COL14A1: variants seen among roughly 807,000 people sequenced by gnomAD.
The protein encoded by COL14A1 is collagen alpha-1(XIV) chain.
COL14A1 carries 136 observed loss-of-function variants against 230.3 expected under a neutral mutation model. That is an observed-to-expected ratio of 0.59 (90% CI 0.51 to 0.68). The LOEUF is 0.68. Ranked by LOEUF, COL14A1 falls within the 30% of genes least tolerant of loss-of-function variation. The probability of loss-of-function intolerance (pLI) is 0.00; values close to 1 mark genes in which losing one functional copy is unlikely to be tolerated. For synonymous variants in COL14A1, 792 were observed against 784.1 expected (o/e 1.01, Z -0.17); for missense variants, 1,976 against 2,215.8 (o/e 0.89, Z 2.17).
chr8:120,262,998 C>A lies in COL14A1; in HGVS notation c.3000C>A (p.Ser1000Arg). 1 of 1,604,618 alleles carries A rather than the reference C, an allele frequency of 6.2e-7. No homozygotes were observed. The highest frequency in any genetic ancestry group is 8.5e-7 in the Non-Finnish European group (1 of 1,177,090). Residue 1000 changes from serine (S) to arginine (R), a missense_variant, in exon 24 of 48, where the codon AGC becomes AGA. Physicochemically the swap from Ser to Arg is moderately radical, Grantham distance 110 (BLOSUM62 -1). Around this residue, in one of 3 missense-constraint regions of COL14A1, gnomAD observed 1,791 missense variants for 2,019.5 expected, o/e 0.89. Coordinates refer to ENST00000297848, the MANE Select transcript of COL14A1 (RefSeq NM_021110.4). ...KLQEIEGPSV[S>R]IMEKTQSLPT... ...AGGAGATTGAAGGACCTAGTGTGAGCATAATGGAAAAAACACGTAAGTCAT... is the reference window on the plus strand; with the variant it reads ...AGGAGATTGAAGGACCTAGTGTGAGAATAATGGAAAAAACACGTAAGTCAT...
At chr8:120,245,114 T>C (rs1326258194) in intron 20 of COL14A1, among the ~76,000 whole-genome samples, 2 of 152,248 alleles carry the variant, frequency 1.3e-5, no homozygotes, top group Non-Finnish European at 2.9e-5. Context: ...TAAGAGTTTT[T>C]CTGGTCATCC....
intron 24 of COL14A1, among the ~76,000 whole-genome samples, chr8:120,263,488 T>C (rs1191297034): frequency 2.0e-5 from 3 of 152,202 alleles, no homozygotes; most frequent in South Asian, 4.1e-4. Flanking sequence ...TGACTGCAGA[T>C]GTGATGCACT....
At chr8:120,269,575 C>T (rs911328382) in intron 25 of COL14A1, among the ~76,000 whole-genome samples, 1 of 151,772 alleles carries the variant, frequency 6.6e-6, no homozygotes, top group South Asian at 2.1e-4. Context: ...CATTTTATCA[C>T]ATGCTTTTCT....
At chr8:120,171,357 T>C (rs1032946671) in intron 5 of COL14A1, among the ~76,000 whole-genome samples, 4 of 152,190 alleles carry the variant, frequency 2.6e-5, no homozygotes, top group African/African-American at 9.6e-5. Context: ...GCCCACGAAG[T>C]TATTTTGCTC....
intron 2 of COL14A1, among the ~76,000 whole-genome samples, chr8:120,156,244 C>T (rs981302676): frequency 6.6e-6 from 1 of 151,772 alleles, no homozygotes; most frequent in Non-Finnish European, 1.5e-5. Context: ...ATCTCAGCTC[C>T]CTGCAGTCTC....
chr8:120,212,358 C>G, intron 12 of COL14A1, 90 bp from the exon 13 acceptor site: 1 of 1,333,096 alleles, frequency 7.5e-7, no homozygotes, highest in South Asian at 1.4e-5. Context: ...AAAGTCTTAT[C>G]CCATGAAGTC....
intron 36 of COL14A1, among the ~76,000 whole-genome samples, chr8:120,307,313 A>C (rs1820884981): frequency 6.6e-6 from 1 of 152,240 alleles, no homozygotes; most frequent in Non-Finnish European, 1.5e-5. Flanking sequence ...GCATATATGG[A>C]AATCTGATAT....
Position 120,371,431 on chromosome 8 carries a change from G to T in COL14A1, c.*200G>T. 2.5e-6 allele frequency: 1 copy of T among 393,758 alleles called. No individual in the cohort carries two copies. The highest frequency in any genetic ancestry group is 4.5e-6 in the Non-Finnish European group (1 of 224,448). The allele number at this position is 393,758 out of a possible 1,614,324, so 24.4% of individuals were successfully genotyped here. On this transcript the variant is annotated 3_prime_UTR_variant, in exon 48 of 48. Coordinates refer to ENST00000297848, the MANE Select transcript of COL14A1 (RefSeq NM_021110.4). Reference sequence around the variant, plus strand: ...TTTTTAAAAAGTTCCCTTAATCTATGACATGGTAGCAATGATTTCCCTTTG... The same window carrying T: ...TTTTTAAAAAGTTCCCTTAATCTATTACATGGTAGCAATGATTTCCCTTTG...
rs755954607 is a variant in COL14A1, at chr8:120,208,296, A to G, written c.1256A>G (p.Gln419Arg). Reference protein sequence around the residue: ...LKNLMSLTEYQIAVFAIYAHT... With the variant: ...LKNLMSLTEYRIAVFAIYAHT... The stretch of plus-strand genomic sequence containing the variant: ...AACTTGATGTCTTTAACTGAATATC[A>G]GATAGCAGTCTTTGCAATCTATGCC... Residue 419 changes from glutamine (Q) to arginine (R), a missense_variant, in exon 11 of 48, where the codon CAG (glutamine) becomes CGG (arginine). Gln to Arg is a conservative substitution (Grantham distance 43). Around this residue, in one of 3 missense-constraint regions of COL14A1, gnomAD observed 1,791 missense variants for 2,019.5 expected, o/e 0.89. Coordinates refer to ENST00000297848, the MANE Select transcript of COL14A1 (RefSeq NM_021110.4). 1 of 1,613,636 alleles carries G rather than the reference A, an allele frequency of 6.2e-7. No individual in the cohort carries two copies. The highest frequency in any genetic ancestry group is 1.3e-5 in the African/African-American group (1 of 74,922).
chr8:120,161,537 A>G (rs1815666504), intron 3 of COL14A1, among the ~76,000 whole-genome samples: 1 of 152,214 alleles, frequency 6.6e-6, no homozygotes, highest in African/African-American at 2.4e-5. Flanking sequence ...CAGCATCCTC[A>G]GCCATTTGTG....
In COL14A1 at chr8:120,278,180, A is replaced by G. The variant is rs982104772; in HGVS notation, c.3283A>G (p.Thr1095Ala). 2 of 1,611,870 alleles carry G rather than the reference A, an allele frequency of 1.2e-6. No homozygotes were observed. The highest frequency in any genetic ancestry group is 1.7e-6 in the Non-Finnish European group (2 of 1,179,000). ...FKLNAYKTKE[T>A]LLDAIKHISY... ...ACTAAATGCTTACAAAACCAAAGAG[A>G]CTCTTCTTGATGCAATTAAACACAT... is the stretch of plus-strand genomic sequence containing the variant. The change falls in exon 27 of 48, where the codon ACT (threonine) becomes GCT (alanine). Residue 1095 changes from threonine to alanine, a missense_variant. Transcript: ENST00000297848.
In COL14A1 at chr8:120,225,365, T is replaced by C. The variant is rs568494411; in HGVS notation, c.1864+151T>C. 6 of 664,676 alleles carry C rather than the reference T, an allele frequency of 9.0e-6. No homozygotes were observed. In the South Asian group the frequency reaches 1.4e-4, roughly 16 times the overall value. 41.2% of individuals were successfully genotyped at this position (664,676 alleles called of 1,614,324 possible). A position where few individuals can be genotyped will look rare whatever the true frequency, so the allele number is the denominator to read the frequency against. On this transcript the variant is annotated intron_variant, in intron 15 of 47. Transcript: ENST00000297848. ...TGTTATTAAAAAATAAACAATTGGA[T>C]GACTATTATGTGTAGTGGCTAATTA...
chr8:120,285,748 C>T, intron 32 of COL14A1, 113 bp from the exon 33 acceptor site: 1 of 709,260 alleles, frequency 1.4e-6, no homozygotes, highest in South Asian at 2.0e-5. Context: ...TCACATCATT[C>T]TAAATACAGT....
rs369319185 is a variant in COL14A1 at position 120,215,388 on chromosome 8, AAAGGAAGG to A, written c.1598-946_1598-939del. 4.4e-4 allele frequency among the ~76,000 whole-genome samples: 67 copies of A among 151,726 alleles called. No homozygotes were observed. The South Asian group carries it at 0.013, about 29-fold the overall frequency. ...TCTGTCAGAAAGAAAGAAAGAAAAG[AAAGGAAGG>A]AAGGAAGGAAGGAAGGTAGGAAGGA... is the stretch of plus-strand genomic sequence containing the variant. On this transcript the variant is annotated intron_variant, in intron 13 of 47. Coordinates refer to ENST00000297848, the MANE Select transcript of COL14A1 (RefSeq NM_021110.4).
intron 45 of COL14A1, among the ~76,000 whole-genome samples, chr8:120,361,298 C>T (rs866569375): frequency 5.3e-5 from 8 of 152,026 alleles, no homozygotes; most frequent in Non-Finnish European, 1.2e-4. Context: ...ATGAAAAAGA[C>T]AATAGGAAGA....
At chr8:120,223,586 C>A (rs1356819883) in intron 14 of COL14A1, among the ~76,000 whole-genome samples, 1 of 152,146 alleles carries the variant, frequency 6.6e-6, no homozygotes, top group African/African-American at 2.4e-5. Context: ...AAGAGAATAG[C>A]TTGAAACCTG....
intron 5 of COL14A1, among the ~76,000 whole-genome samples, chr8:120,193,656 A>C (rs192042522): frequency 0.014 from 2,118 of 152,290 alleles, 47 homozygotes; most frequent in African/African-American, 0.047. Flanking sequence ...CCAGAGGTGG[A>C]GCCTACAGAG....
At chr8:120,282,712 T>C (rs891833061) in intron 31 of COL14A1, among the ~76,000 whole-genome samples, 12 of 152,110 alleles carry the variant, frequency 7.9e-5, no homozygotes, top group Non-Finnish European at 2.9e-5. Context: ...GAGGAAGATT[T>C]AAAAAGTAAA....
At chr8:120,217,794 A>C (rs1817800874) in intron 14 of COL14A1, among the ~76,000 whole-genome samples, 1 of 151,858 alleles carries the variant, frequency 6.6e-6, no homozygotes. Flanking sequence ...CACCAGAAAT[A>C]CATAAACTAC....
Sources: allele counts gnomAD v4.1 joint callset (sites outside exome capture counted in the v4.1 genomes callset), GRCh38; gene constraint gnomAD v4.1.1; regional missense constraint gnomAD v4.1.1; transcripts MANE v1.5; gene names NCBI Gene and HGNC (gene_info 2026-07-23, HGNC 2026-07-21).